CNTN4: variants seen among roughly 807,000 people sequenced by gnomAD.
CNTN4 encodes the protein contactin 4.
In CNTN4, 77 loss-of-function variants were observed where a neutral mutation model predicts 122.5. The observed-to-expected ratio is 0.63, with a 90% CI of 0.52 to 0.76. The LOEUF is 0.76. CNTN4 is among the 30% of genes least tolerant of loss of function. The pLI is 0.00. For synonymous variants in CNTN4, 512 were observed against 447.0 expected (o/e 1.15, Z -1.83); for missense variants, 1,256 against 1,259.1 (o/e 1.00, Z 0.04).
chr3:2,292,841 G>A (rs2042183101), intron 2 of CNTN4, among the ~76,000 whole-genome samples: 1 of 152,114 alleles, frequency 6.6e-6, no homozygotes, highest in South Asian at 2.1e-4. Context: ...CCCAGTTTGG[G>A]ACTACTATAA....
chr3:2,163,811 G>A (rs1230970306), intron 2 of CNTN4, among the ~76,000 whole-genome samples: 1 of 152,084 alleles, frequency 6.6e-6, no homozygotes, highest in African/African-American at 2.4e-5. Flanking sequence ...TCTCACACAA[G>A]TCAAAATGAC....
chr3:2,753,477 C>T (rs927836256), intron 6 of CNTN4, among the ~76,000 whole-genome samples: 2 of 152,284 alleles, frequency 1.3e-5, no homozygotes, highest in African/African-American at 2.4e-5. Context: ...ACAGATATTA[C>T]TTTTATTTTA....
intron 7 of CNTN4, among the ~76,000 whole-genome samples, chr3:2,842,543 A>G (rs1473166406): frequency 6.6e-6 from 1 of 152,132 alleles, no homozygotes; most frequent in Non-Finnish European, 1.5e-5. Context: ...CCACTGCTCA[A>G]TTTCTATGCT....
At chr3:2,410,065 C>A (rs1209309861) in intron 3 of CNTN4, among the ~76,000 whole-genome samples, 1 of 152,152 alleles carries the variant, frequency 6.6e-6, no homozygotes, top group East Asian at 1.9e-4. Flanking sequence ...GTTTCATTTA[C>A]CGATATTAAC....
chr3:2,974,025 T>G (rs1693191332), intron 13 of CNTN4, among the ~76,000 whole-genome samples: 1 of 152,200 alleles, frequency 6.6e-6, no homozygotes, highest in Admixed American at 6.5e-5. Context: ...GCAACATAGT[T>G]CTCTTACACT....
intron 2 of CNTN4, among the ~76,000 whole-genome samples, chr3:2,165,321 C>T (rs2036149388): frequency 6.7e-6 from 1 of 148,732 alleles, no homozygotes; most frequent in African/African-American, 2.5e-5. Flanking sequence ...AAGACTGCAT[C>T]TTAAAAAAAA....
At chr3:2,773,716 A>T (rs2091198714) in intron 6 of CNTN4, among the ~76,000 whole-genome samples, 1 of 148,966 alleles carries the variant, frequency 6.7e-6, no homozygotes, top group Admixed American at 6.7e-5. Context: ...GGGTTACCAA[A>T]CTCTGGCACT....
In CNTN4 at chr3:2,928,472, T is replaced by C. The variant is rs146239220; in HGVS notation, c.1358+2693T>C. ...GTAAAAAATTTTAGAACCCCTATTT[T>C]GGGAAAGGATTGACCTGGTAGACCA... On this transcript the variant is annotated intron_variant, in intron 13 of 24. Transcript: ENST00000418658. Among the ~76,000 whole-genome samples, 362 of 152,284 alleles carry C rather than the reference T, an allele frequency of 2.4e-3. 1 individual carries two copies. The highest frequency in any genetic ancestry group is 8.9e-3 in the South Asian group (43 of 4,808).
At chr3:2,190,833 C>CAT (rs1491449271) in intron 2 of CNTN4, among the ~76,000 whole-genome samples, 1 of 147,670 alleles carries the variant, frequency 6.8e-6, no homozygotes, top group Admixed American at 6.8e-5. Flanking sequence ...CACACACACA[C>CAT]ATACACACAC....
intron 3 of CNTN4, among the ~76,000 whole-genome samples, chr3:2,514,648 A>G (rs992805116): frequency 2.0e-5 from 3 of 152,048 alleles, no homozygotes; most frequent in African/African-American, 7.2e-5. Flanking sequence ...ATGCTGTGCA[A>G]CTCTAACAAG....
At chr3:2,235,012 G>C (rs2039626743) in intron 2 of CNTN4, among the ~76,000 whole-genome samples, 1 of 152,046 alleles carries the variant, frequency 6.6e-6, no homozygotes, top group Non-Finnish European at 1.5e-5. Context: ...TGGAAAAATT[G>C]AGTTCTTATT....
At chr3:2,587,044 T>C (rs1309457136) in intron 4 of CNTN4, among the ~76,000 whole-genome samples, 2 of 152,218 alleles carry the variant, frequency 1.3e-5, no homozygotes, top group Non-Finnish European at 2.9e-5. Context: ...CAGCTGTTCA[T>C]TTCCCTCTGA....
At chr3:2,332,814 C>T (rs2043790880) in intron 2 of CNTN4, among the ~76,000 whole-genome samples, 1 of 151,398 alleles carries the variant, frequency 6.6e-6, no homozygotes, top group Non-Finnish European at 1.5e-5. Flanking sequence ...ACCAGCATGG[C>T]ACATGTATAC....
At chr3:2,252,791 G>T (rs2040427011) in intron 2 of CNTN4, among the ~76,000 whole-genome samples, 1 of 151,930 alleles carries the variant, frequency 6.6e-6, no homozygotes. Flanking sequence ...GTAACATTTG[G>T]TTCTTTCTGA....
intron 4 of CNTN4, among the ~76,000 whole-genome samples, chr3:2,639,623 A>G (rs545954593): frequency 9.2e-5 from 14 of 152,374 alleles, no homozygotes; most frequent in African/African-American, 3.4e-4. Context: ...ATTCCCTGAG[A>G]ATAGTGCCTG....
intron 2 of CNTN4, among the ~76,000 whole-genome samples, chr3:2,253,365 G>A (rs2040448233): frequency 6.6e-6 from 1 of 151,986 alleles, no homozygotes; most frequent in Admixed American, 6.6e-5. Context: ...AGGAGTTGAT[G>A]GTATGGTATT....
chr3:2,207,352 G>C (rs886848329), intron 2 of CNTN4, among the ~76,000 whole-genome samples: 1 of 152,086 alleles, frequency 6.6e-6, no homozygotes, highest in Non-Finnish European at 1.5e-5. Context: ...AAGGCATGTC[G>C]AAAGCTGAGA....
chr3:2,854,861 C>T (rs1348459877), intron 7 of CNTN4, among the ~76,000 whole-genome samples: 2 of 152,098 alleles, frequency 1.3e-5, no homozygotes, highest in African/African-American at 4.8e-5. Context: ...CCTGAGAATC[C>T]ATTTTAGTTC....
chr3:2,481,089 CT>C (rs2075990111), intron 3 of CNTN4, among the ~76,000 whole-genome samples: 1 of 124,374 alleles, frequency 8.0e-6, no homozygotes, highest in Admixed American at 8.0e-5. Flanking sequence ...CTCTTTCTCT[CT>C]TTCTTTCTTT....
Sources: allele counts gnomAD v4.1 joint callset (sites outside exome capture counted in the v4.1 genomes callset), GRCh38; gene constraint gnomAD v4.1.1; transcripts MANE v1.5; gene names NCBI Gene and HGNC (gene_info 2026-07-23, HGNC 2026-07-21).